The following DHRS7B variants were observed in gnomAD, a reference collection of about 807,000 sequenced individuals.
DHRS7B encodes the protein dehydrogenase/reductase 7B.
DHRS7B carries 24 observed loss-of-function variants against 26.4 expected under a neutral mutation model. The observed-to-expected ratio is 0.91, with a 90% CI of 0.66 to 1.28. DHRS7B has a LOEUF of 1.28. Among genes scored for constraint, DHRS7B ranks in the 50% most tolerant of loss-of-function variants. DHRS7B has a pLI of 0.00. For missense variants in DHRS7B, 368 were observed against 419.4 expected (o/e 0.88, Z 1.07); for synonymous variants, 142 against 166.4 (o/e 0.85, Z 1.13).
chr17:21,148,300 T>C (rs970193001), intron 1 of DHRS7B, among the ~76,000 whole-genome samples: 13 of 151,914 alleles, frequency 8.6e-5, no homozygotes, highest in Non-Finnish European at 1.6e-4. Context: ...ACAAAAAAAA[T>C]TCAGAAATTT....
At chr17:21,154,791 A>G (rs1973844242) in intron 1 of DHRS7B, among the ~76,000 whole-genome samples, 1 of 152,194 alleles carries the variant, frequency 6.6e-6, no homozygotes, top group African/African-American at 2.4e-5. Flanking sequence ...TTTTAGTTAT[A>G]AGTGAAATGA....
intron 1 of DHRS7B, among the ~76,000 whole-genome samples, chr17:21,154,277 C>T (rs768534449): frequency 5.3e-5 from 8 of 151,908 alleles, no homozygotes; most frequent in Non-Finnish European, 1.2e-4. Flanking sequence ...GACATTGCAT[C>T]CCAGCCTGGG....
chr17:21,187,973 C>T (rs1322143715), intron 5 of DHRS7B, among the ~76,000 whole-genome samples: 2 of 152,072 alleles, frequency 1.3e-5, no homozygotes, highest in Non-Finnish European at 2.9e-5. Flanking sequence ...CTCAGCCTCC[C>T]GTGTAGCTGG....
intron 5 of DHRS7B, among the ~76,000 whole-genome samples, chr17:21,185,085 A>T (rs1974602355): frequency 6.6e-6 from 1 of 152,182 alleles, no homozygotes; most frequent in Admixed American, 6.5e-5. Flanking sequence ...GTCTTTGACC[A>T]TTAGCAGCAG....
In DHRS7B at chr17:21,172,191, G is replaced by A; in HGVS notation, c.194G>A (p.Gly65Asp). Residue 65 changes from glycine to aspartate, a missense_variant, in exon 2 of 7, where the codon GGC (glycine) becomes GAC (aspartate). Physicochemically the swap from Gly to Asp is moderately conservative, Grantham distance 94. Transcript: ENST00000395511. ...ATCACAGGCGCCACCTCAGGGCTGG[G>A]CAAAGGTGGGTCCTGGAGGCAGTGC... Reference protein sequence around the residue: ...VVITGATSGLGKECAKVFYAA... With the variant: ...VVITGATSGLDKECAKVFYAA... The A allele has an allele frequency of 1.9e-6, 3 of 1,610,996 alleles. No individual in the cohort carries two copies. The highest frequency in any genetic ancestry group is 2.5e-6 in the Non-Finnish European group (3 of 1,178,766).
intron 1 of DHRS7B, among the ~76,000 whole-genome samples, chr17:21,145,100 G>A (rs1036103691): frequency 1.3e-5 from 2 of 151,918 alleles, no homozygotes; most frequent in African/African-American, 2.4e-5. Flanking sequence ...CAAGGTGGGC[G>A]GATCACGAGG....
chr17:21,140,538 A>ACACACACC (rs972677956), intron 1 of DHRS7B, among the ~76,000 whole-genome samples: 2,485 of 134,612 alleles, frequency 0.018, 80 homozygotes, highest in African/African-American at 0.023. Context: ...ACACACACAC[A>ACACACACC]CCCTGACACC....
chr17:21,153,837 A>T (rs1464563663), intron 1 of DHRS7B, among the ~76,000 whole-genome samples: 1 of 152,184 alleles, frequency 6.6e-6, no homozygotes, highest in Non-Finnish European at 1.5e-5. Flanking sequence ...TGGATTGGGG[A>T]TACAGTTTCA....
intron 1 of DHRS7B, chr17:21,128,098 G>A (rs982592081): frequency 2.0e-5 from 3 of 151,868 alleles, no homozygotes; most frequent in Admixed American, 2.0e-4. Context: ...TGGGCTTAGA[G>A]ATGTTAAGAA....
intron 1 of DHRS7B, among the ~76,000 whole-genome samples, chr17:21,165,991 C>T (rs1327219398): frequency 6.6e-6 from 1 of 151,508 alleles, no homozygotes; most frequent in Non-Finnish European, 1.5e-5. Context: ...ATAGTAAGTG[C>T]TATAATTGAT....
intron 6 of DHRS7B, among the ~76,000 whole-genome samples, chr17:21,189,401 TG>T (rs2144254793): frequency 6.6e-6 from 1 of 152,316 alleles, no homozygotes; most frequent in Non-Finnish European, 1.5e-5. Context: ...GCAGAGCAGC[TG>T]GCCCCAGCAT....
intron 1 of DHRS7B, among the ~76,000 whole-genome samples, chr17:21,167,614 C>T (rs1382032039): frequency 6.6e-6 from 1 of 152,156 alleles, no homozygotes; most frequent in East Asian, 1.9e-4. Flanking sequence ...CCTTCTTTTT[C>T]TGGCTTCACT....
At chr17:21,128,349 G>A (rs1973147003) in intron 1 of DHRS7B, 1 of 152,142 alleles carries the variant, frequency 6.6e-6, no homozygotes, top group Non-Finnish European at 1.5e-5. Flanking sequence ...ATCACCTGAG[G>A]TCAGGAGTTC....
At chr17:21,181,641 TAA>T (rs1394242601) in intron 3 of DHRS7B, among the ~76,000 whole-genome samples, 1 of 152,240 alleles carries the variant, frequency 6.6e-6, no homozygotes, top group African/African-American at 2.4e-5. Flanking sequence ...CATTGGGGAT[TAA>T]GTTTCTAACA....
rs532817371 is a variant in DHRS7B at position 21,161,483 on chromosome 17, A to T, written c.21-10535A>T. ...TTGAAGGTAAGATAAAGACATTCCC[A>T]TATAAACAAAGACTGAGATAATTGG... On this transcript the variant is annotated intron_variant, in intron 1 of 6. Transcript: ENST00000395511. Among the ~76,000 whole-genome samples the T allele has an allele frequency of 1.9e-3, 282 of 152,244 alleles. 2 individuals carry two copies. Among genetic ancestry groups the T allele is most frequent in the Non-Finnish European group, 3.0e-3 (205 of 68,042 alleles).
At chr17:21,148,589 A>T (rs1326864824) in intron 1 of DHRS7B, among the ~76,000 whole-genome samples, 1 of 152,076 alleles carries the variant, frequency 6.6e-6, no homozygotes, top group Non-Finnish European at 1.5e-5. Context: ...ACCAAAAAGT[A>T]TAAAAAATTA....
chr17:21,133,881 C>T (rs1342213453), intron 1 of DHRS7B, among the ~76,000 whole-genome samples: 2 of 152,166 alleles, frequency 1.3e-5, no homozygotes, highest in East Asian at 3.8e-4. Flanking sequence ...GAAGTCCACA[C>T]ATTAGTAGGC....
At chr17:21,145,332 A>C (rs986894626) in intron 1 of DHRS7B, among the ~76,000 whole-genome samples, 3 of 152,166 alleles carry the variant, frequency 2.0e-5, no homozygotes, top group African/African-American at 7.2e-5. Context: ...TAAAAAAAAA[A>C]AAGAAAATCA....
intron 5 of DHRS7B, among the ~76,000 whole-genome samples, chr17:21,187,961 G>A (rs1974684455): frequency 6.6e-6 from 1 of 152,026 alleles, no homozygotes; most frequent in Non-Finnish European, 1.5e-5. Context: ...CCATTCTCCT[G>A]CCTCAGCCTC....
Sources: gnomAD v4.1 joint callset for allele counts (sites outside exome capture counted in the v4.1 genomes callset) on GRCh38, gnomAD v4.1.1 for gene constraint, MANE v1.5 for transcripts, NCBI Gene and HGNC (gene_info 2026-07-23, HGNC 2026-07-21) for gene names.